The following SORCS1 variants were observed in gnomAD, a reference collection of about 807,000 sequenced individuals.
SORCS1 encodes the protein VPS10 domain-containing receptor SorCS1.
SORCS1 carries 60 observed loss-of-function variants against 146.1 expected under a neutral mutation model. The observed-to-expected ratio is 0.41, with a 90% CI of 0.33 to 0.51. SORCS1 has a LOEUF of 0.51. SORCS1 is among the 20% of genes least tolerant of loss of function. The pLI, the probability that SORCS1 is intolerant of heterozygous loss-of-function variation, is 0.21. For missense variants in SORCS1, 1,352 were observed against 1,487.6 expected, an observed-to-expected ratio of 0.91 and a Z score of 1.50; for synonymous variants, 637 against 584.0, an observed-to-expected ratio of 1.09 and a Z score of -1.31.
chr10:106,799,500 C>G (rs1326146183), intron 3 of SORCS1, among the ~76,000 whole-genome samples: 1 of 152,152 alleles, frequency 6.6e-6, no homozygotes, highest in Admixed American at 6.5e-5. Flanking sequence ...GGGCTAATAT[C>G]CAGAATCTAC....
At chr10:106,642,463 A>C (rs1390413931) in intron 18 of SORCS1, among the ~76,000 whole-genome samples, 2 of 152,280 alleles carry the variant, frequency 1.3e-5, no homozygotes, top group African/African-American at 4.8e-5. Context: ...TGATATCAGA[A>C]ATGGGGCAAG....
chr10:106,730,650 C>G (rs1856529300), intron 5 of SORCS1, among the ~76,000 whole-genome samples: 1 of 152,160 alleles, frequency 6.6e-6, no homozygotes, highest in African/African-American at 2.4e-5. Context: ...GAAATAGATG[C>G]ACCTCACTTT....
At chr10:106,807,177 AGAAGGAAGGAAGGAAGGAG>A (rs1161250308) in intron 3 of SORCS1, among the ~76,000 whole-genome samples, 4 of 151,796 alleles carry the variant, frequency 2.6e-5, no homozygotes, top group South Asian at 2.1e-4. Flanking sequence ...TCTGCTTTGA[AGAAGGAAGGAAGGAAGGAG>A]GAAGGAAGGA....
intron 1 of SORCS1, among the ~76,000 whole-genome samples, chr10:107,029,469 C>A (rs1238925061): frequency 6.6e-6 from 1 of 152,166 alleles, no homozygotes; most frequent in Non-Finnish European, 1.5e-5. Flanking sequence ...CCTTTTCCTG[C>A]AATTCTCCAT....
chr10:106,827,350 C>A (rs1948349462), intron 3 of SORCS1, among the ~76,000 whole-genome samples: 1 of 152,006 alleles, frequency 6.6e-6, no homozygotes. Context: ...AAATGATTCA[C>A]CCAGAGTCAC....
At chr10:106,590,503 G>A (rs1198780944) in intron 24 of SORCS1, among the ~76,000 whole-genome samples, 1 of 152,166 alleles carries the variant, frequency 6.6e-6, no homozygotes, top group East Asian at 1.9e-4. Flanking sequence ...GGGTCAATGA[G>A]AAAACTATTG....
At chr10:106,762,559 A>AT (rs932004275) in intron 4 of SORCS1, among the ~76,000 whole-genome samples, 243 of 144,046 alleles carry the variant, frequency 1.7e-3, no homozygotes, top group African/African-American at 4.3e-3. Flanking sequence ...AGCCCGGCTA[A>AT]TTTTTTTTTT....
chr10:106,917,499 G>T (rs1258829155), intron 2 of SORCS1, among the ~76,000 whole-genome samples: 1 of 152,166 alleles, frequency 6.6e-6, no homozygotes, highest in Non-Finnish European at 1.5e-5. Context: ...TAAACCCACA[G>T]TTAGATTAGG....
chr10:106,632,369 G>T (rs1848487840), intron 18 of SORCS1, among the ~76,000 whole-genome samples: 3 of 152,200 alleles, frequency 2.0e-5, no homozygotes, highest in Admixed American at 2.0e-4. Flanking sequence ...TAAGTGGTAA[G>T]GCTACGGCCA....
intron 2 of SORCS1, among the ~76,000 whole-genome samples, chr10:106,849,644 TGGA>T (rs1360361020): frequency 2.6e-5 from 4 of 151,240 alleles, no homozygotes; most frequent in African/African-American, 9.8e-5. Context: ...TGTGTTCCTT[TGGA>T]GGAGGATAGG....
intron 1 of SORCS1, among the ~76,000 whole-genome samples, chr10:107,077,338 C>T (rs1364003511): frequency 6.6e-6 from 1 of 152,050 alleles, no homozygotes; most frequent in Non-Finnish European, 1.5e-5. Flanking sequence ...ACATTCTAAA[C>T]TCAGTCTTAA....
intron 2 of SORCS1, among the ~76,000 whole-genome samples, chr10:106,869,474 A>G (rs1950331493): frequency 6.6e-6 from 1 of 152,222 alleles, no homozygotes; most frequent in Non-Finnish European, 1.5e-5. Flanking sequence ...ATCCAGCAGC[A>G]CAGCAAAAGT....
At chr10:107,101,797 T>G (rs1268257814) in intron 1 of SORCS1, among the ~76,000 whole-genome samples, 2 of 150,964 alleles carry the variant, frequency 1.3e-5, no homozygotes, top group East Asian at 1.9e-4. Flanking sequence ...TTGGGGAGAG[T>G]TGACTCAATA....
chr10:106,956,726 G>C (rs977547632), intron 1 of SORCS1, 146 bp from the exon 2 acceptor site: 1 of 689,434 alleles, frequency 1.5e-6, no homozygotes, highest in Non-Finnish European at 2.4e-6. Flanking sequence ...CACTGACTGG[G>C]GAAAGGTTGG....
chr10:107,151,210 G>C (rs1390384090), intron 1 of SORCS1, among the ~76,000 whole-genome samples: 1 of 152,178 alleles, frequency 6.6e-6, no homozygotes, highest in African/African-American at 2.4e-5. Context: ...AGACAGGATG[G>C]TGTGGGAAAA....
intron 2 of SORCS1, among the ~76,000 whole-genome samples, chr10:106,834,494 T>A (rs1948699060): frequency 6.6e-6 from 1 of 152,158 alleles, no homozygotes; most frequent in African/African-American, 2.4e-5. Flanking sequence ...GAGGGATATC[T>A]AATGAGATTA....
intron 1 of SORCS1, among the ~76,000 whole-genome samples, chr10:107,156,721 T>C (rs1390855636): frequency 1.1e-4 from 17 of 152,216 alleles, no homozygotes; most frequent in Admixed American, 1.1e-3. Flanking sequence ...ATTGACACTC[T>C]AGGTTTCCTA....
chr10:106,817,138 A>G (rs1236991205), intron 3 of SORCS1, among the ~76,000 whole-genome samples: 1 of 152,208 alleles, frequency 6.6e-6, no homozygotes, highest in East Asian at 1.9e-4. Context: ...GACTACTTCA[A>G]TATCAAATAC....
At chr10:106,862,299 T>C (rs543105799) in intron 2 of SORCS1, among the ~76,000 whole-genome samples, 36 of 152,332 alleles carry the variant, frequency 2.4e-4, no homozygotes, top group Middle Eastern at 3.4e-3. Context: ...CTGTCTGTTT[T>C]CTACTTAATT....
Sources: gnomAD v4.1 joint callset for allele counts (sites outside exome capture counted in the v4.1 genomes callset) on GRCh38, gnomAD v4.1.1 for gene constraint, MANE v1.5 for transcripts, NCBI Gene and HGNC (gene_info 2026-07-23, HGNC 2026-07-21) for gene names.